The following OLFM3 variants were observed in gnomAD, a reference collection of about 807,000 sequenced individuals.
OLFM3 encodes olfactomedin 3.
In OLFM3, 20 loss-of-function variants were observed where a neutral mutation model predicts 48.6. That is an observed-to-expected ratio of 0.41 (90% CI 0.29 to 0.60). The LOEUF is 0.60. OLFM3 is among the 20% of genes least tolerant of loss of function. The pLI is 0.28. For missense variants in OLFM3, 437 were observed against 544.3 expected, an observed-to-expected ratio of 0.80 and a Z score of 1.96; for synonymous variants, 222 against 198.1, an observed-to-expected ratio of 1.12 and a Z score of -1.01.
chr1:101,965,152 C>A (rs143451353), intron 1 of OLFM3, among the ~76,000 whole-genome samples: 1 of 152,278 alleles, frequency 6.6e-6, no homozygotes, highest in East Asian at 1.9e-4. Context: ...ACAGAAGGAG[C>A]CACTGGAATT....
chr1:101,986,056 C>T (rs893732382), intron 1 of OLFM3, among the ~76,000 whole-genome samples: 1 of 151,396 alleles, frequency 6.6e-6, no homozygotes, highest in African/African-American at 2.4e-5. Flanking sequence ...AGCTCCGCCT[C>T]CCGGGTTCAC....
chr1:101,921,915 C>T (rs936133492), intron 1 of OLFM3, among the ~76,000 whole-genome samples: 5 of 151,970 alleles, frequency 3.3e-5, no homozygotes, highest in Admixed American at 1.3e-4. Context: ...AAAAATTAGC[C>T]GGGCATGGTG....
At chr1:101,928,857 A>G (rs1402280867) in intron 1 of OLFM3, among the ~76,000 whole-genome samples, 1 of 152,144 alleles carries the variant, frequency 6.6e-6, no homozygotes, top group Non-Finnish European at 1.5e-5. Flanking sequence ...AGAGGCTTGT[A>G]TTAAAATGAC....
intron 1 of OLFM3, among the ~76,000 whole-genome samples, chr1:101,865,433 C>T (rs1557707666): frequency 6.6e-6 from 1 of 152,176 alleles, no homozygotes. Context: ...AGAATTCAAT[C>T]TACACTGCAG....
At chr1:101,919,415 C>T (rs1218359481) in intron 1 of OLFM3, among the ~76,000 whole-genome samples, 1 of 152,094 alleles carries the variant, frequency 6.6e-6, no homozygotes, top group Non-Finnish European at 1.5e-5. Flanking sequence ...TGAAAGTCAC[C>T]AGTGATCACC....
chr1:101,927,654 T>A (rs1659313111), intron 1 of OLFM3, among the ~76,000 whole-genome samples: 1 of 151,394 alleles, frequency 6.6e-6, no homozygotes, highest in South Asian at 2.1e-4. Context: ...TGCTAAATAT[T>A]AACATTTTAA....
chr1:101,985,729 T>C (rs1661216500), intron 1 of OLFM3, among the ~76,000 whole-genome samples: 1 of 152,176 alleles, frequency 6.6e-6, no homozygotes. Flanking sequence ...GAAGGGAAGA[T>C]ACAGAATAAA....
At chr1:101,984,482 C>T (rs925441799) in intron 1 of OLFM3, among the ~76,000 whole-genome samples, 4 of 152,158 alleles carry the variant, frequency 2.6e-5, no homozygotes, top group South Asian at 2.1e-4. Context: ...ACTGCACCTC[C>T]GCATCCCAGG....
At chr1:101,837,256 A>G (rs1211950698) in intron 1 of OLFM3, among the ~76,000 whole-genome samples, 2 of 152,230 alleles carry the variant, frequency 1.3e-5, no homozygotes, top group African/African-American at 2.4e-5. Flanking sequence ...CAGGTGCCAT[A>G]TTAGTAACTG....
chr1:101,825,273 G>A (rs1169397176), intron 3 of OLFM3, 28 bp from the exon 4 acceptor site: 1 of 1,576,606 alleles, frequency 6.3e-7, no homozygotes, highest in Non-Finnish European at 8.7e-7. Context: ...TTGTTCCTGA[G>A]AGTCATTTAA....
At chr1:101,939,153 C>T (rs913187385) in intron 1 of OLFM3, among the ~76,000 whole-genome samples, 1 of 152,250 alleles carries the variant, frequency 6.6e-6, no homozygotes, top group South Asian at 2.1e-4. Context: ...GTGCTACAGA[C>T]AGGTGAAGAG....
In OLFM3 at chr1:101,872,211, T is replaced by C. The variant is rs1447614605; in HGVS notation, c.70-35186A>G. 1.3e-5 allele frequency among the ~76,000 whole-genome samples: 2 copies of C among 152,198 alleles called. 1 individual carries two copies. On this transcript the variant is annotated intron_variant, in intron 1 of 5. Transcript: ENST00000370103. The stretch of plus-strand genomic sequence containing the variant: ...CTCATAGGCTATATGTGCATCAACA[T>C]ATTGGCAACAGGGAGTTAGCAAAGG...
intron 1 of OLFM3, among the ~76,000 whole-genome samples, chr1:101,994,046 T>C (rs535682468): frequency 1.2e-4 from 18 of 151,744 alleles, no homozygotes; most frequent in African/African-American, 4.1e-4. Context: ...GAAAACCCAG[T>C]TGTCTTCAGG....
Position 101,804,369 on chromosome 1 carries a change from T to A in OLFM3, c.1246A>T (p.Asn416Tyr). ...AGCATGGATATGTGAAAGTATTGGT[T>A]ATGGAAGGGAATGTCTGTGTACTCA... ...TYEYTDIPFHNQYFHISMLDY... is the reference protein window; with the variant it reads ...TYEYTDIPFHYQYFHISMLDY... Residue 416 changes from asparagine to tyrosine, a missense_variant, in exon 6 of 6, where the codon AAC becomes TAC. Physicochemically the swap from Asn to Tyr is moderately radical, Grantham distance 143 (BLOSUM62 -2). This residue lies in a region of OLFM3 where 108 missense variants were observed against 135.8 expected (regional missense o/e 0.80). Transcript: ENST00000370103. This position sits in a 1 kb window ranked among gnomAD's most constrained non-coding sequence, Gnocchi z 4.5. 1 of 1,612,486 alleles carries A rather than the reference T, an allele frequency of 6.2e-7. No individual in the cohort carries two copies. The highest frequency in any genetic ancestry group is 1.1e-5 in the South Asian group (1 of 91,054).
At chr1:101,950,563 C>G (rs1182264178) in intron 1 of OLFM3, among the ~76,000 whole-genome samples, 7 of 151,892 alleles carry the variant, frequency 4.6e-5, no homozygotes, top group African/African-American at 1.7e-4. Flanking sequence ...CTCAGCCTCC[C>G]GAGTAGCTGG....
At chr1:101,929,641 A>G (rs1180729280) in intron 1 of OLFM3, among the ~76,000 whole-genome samples, 2 of 152,144 alleles carry the variant, frequency 1.3e-5, no homozygotes, top group East Asian at 3.8e-4. Flanking sequence ...GGCCCTATAA[A>G]ATCAAATTTA....
At chr1:101,925,679 C>T (rs565484885) in intron 1 of OLFM3, among the ~76,000 whole-genome samples, 3 of 146,118 alleles carry the variant, frequency 2.1e-5, no homozygotes, top group East Asian at 2.1e-4. Context: ...TTACCACTCC[C>T]GGCTAATTAA....
At chr1:101,849,099 C>T (rs183703102) in intron 1 of OLFM3, among the ~76,000 whole-genome samples, 248 of 152,212 alleles carry the variant, frequency 1.6e-3, no homozygotes, top group African/African-American at 4.6e-3. Flanking sequence ...TATGATTCGG[C>T]GATGTTTATG....
intron 1 of OLFM3, among the ~76,000 whole-genome samples, chr1:101,972,218 G>T (rs1660823835): frequency 6.6e-6 from 1 of 152,126 alleles, no homozygotes; most frequent in African/African-American, 2.4e-5. Context: ...GAATGTTTCT[G>T]TCCCATTAGG....
Sources: allele counts gnomAD v4.1 joint callset (sites outside exome capture counted in the v4.1 genomes callset), GRCh38; gene constraint gnomAD v4.1.1; regional missense constraint gnomAD v4.1.1; non-coding constraint Gnocchi (gnomAD v3.1); transcripts MANE v1.5; gene names NCBI Gene and HGNC (gene_info 2026-07-23, HGNC 2026-07-21).